The following RCAN2 variants were observed in gnomAD, a reference collection of about 807,000 sequenced individuals.
The protein encoded by RCAN2 is regulator of calcineurin 2, also known as calcipressin-2.
A neutral mutation model predicts 23.6 loss-of-function variants in RCAN2; 9 were observed. That is an observed-to-expected ratio of 0.38 (90% CI 0.23 to 0.67). RCAN2 has a LOEUF of 0.67. RCAN2 is among the 30% of genes least tolerant of loss of function. The pLI, the probability that RCAN2 is intolerant of heterozygous loss-of-function variation, is 0.51. For missense variants in RCAN2, 273 were observed against 302.3 expected (o/e 0.90, Z 0.72); for synonymous variants, 109 against 115.7 (o/e 0.94, Z 0.37).
At chr6:46,394,274 A>G (rs550416578) in intron 2 of RCAN2, among the ~76,000 whole-genome samples, 1 of 152,334 alleles carries the variant, frequency 6.6e-6, no homozygotes, top group East Asian at 1.9e-4. Flanking sequence ...CTGGACACGA[A>G]GGTGCTTGAA....
At position 46,427,888 on chromosome 6, in the gene RCAN2, G is replaced by A. The variant is rs1001630220; in HGVS notation, c.225+28864C>T. On this transcript the variant is annotated intron_variant, in intron 2 of 4. Transcript: ENST00000371374. Reference sequence around the variant, plus strand: ...AGAGCCTTGATTTACTAAGGACCACGTTTCAGCTACAGGATGAATCTGTTA... The same window carrying A: ...AGAGCCTTGATTTACTAAGGACCACATTTCAGCTACAGGATGAATCTGTTA... Among the ~76,000 whole-genome samples the A allele has an allele frequency of 5.9e-5, 9 of 152,264 alleles. 1 individual carries two copies. In the East Asian group the frequency reaches 1.2e-3, roughly 20 times the overall value.
In RCAN2 at chr6:46,365,463, C is replaced by T. The variant is rs575480821; in HGVS notation, c.225+91289G>A. ...TGCACACTAGCCTGGGCAACAAGAG[C>T]GAAACTCCATCTCAAAAAAGAAAAG... On this transcript the variant is annotated intron_variant, in intron 2 of 4. Transcript: ENST00000371374. 2.3e-4 allele frequency among the ~76,000 whole-genome samples: 33 copies of T among 144,430 alleles called. 1 individual carries two copies. The highest frequency in any genetic ancestry group is 3.5e-3 in the Middle Eastern group (1 of 288). 94.8% of individuals were successfully genotyped at this position (144,430 alleles called of 152,430 possible).
chr6:46,440,314 T>G (rs556236058), intron 2 of RCAN2, among the ~76,000 whole-genome samples: 2 of 152,308 alleles, frequency 1.3e-5, no homozygotes, highest in South Asian at 4.1e-4. Context: ...AAGATGTTGT[T>G]GTCAATTGTG....
intron 2 of RCAN2, among the ~76,000 whole-genome samples, chr6:46,406,189 T>C (rs1054580212): frequency 7.9e-5 from 12 of 152,116 alleles, no homozygotes; most frequent in African/African-American, 2.9e-4. Context: ...GCTCTGGCCT[T>C]GGCCAGCCCA....
chr6:46,443,693 C>T (rs762114219), intron 2 of RCAN2, among the ~76,000 whole-genome samples: 19 of 152,082 alleles, frequency 1.2e-4, no homozygotes, highest in Non-Finnish European at 2.2e-4. Context: ...TCTTTATGAA[C>T]GTCAAATCTT....
chr6:46,458,210 CAT>C (rs1262114739), intron 1 of RCAN2, among the ~76,000 whole-genome samples: 2 of 152,214 alleles, frequency 1.3e-5, no homozygotes, highest in Admixed American at 6.5e-5. Flanking sequence ...AATCTGCTCT[CAT>C]GAAGTTTAGC....
chr6:46,329,850 G>A (rs558034129), intron 2 of RCAN2, among the ~76,000 whole-genome samples: 1 of 152,292 alleles, frequency 6.6e-6, no homozygotes, highest in African/African-American at 2.4e-5. Flanking sequence ...CCTCCCTTCA[G>A]TTCAGGCAAT....
At chr6:46,465,431 G>A (rs1768348351) in intron 1 of RCAN2, among the ~76,000 whole-genome samples, 1 of 152,132 alleles carries the variant, frequency 6.6e-6, no homozygotes, top group African/African-American at 2.4e-5. Flanking sequence ...TTACAGCATG[G>A]GCAGGGTACA....
At chr6:46,324,782 G>A (rs1053896339) in intron 2 of RCAN2, among the ~76,000 whole-genome samples, 1 of 152,216 alleles carries the variant, frequency 6.6e-6, no homozygotes, top group Non-Finnish European at 1.5e-5. Flanking sequence ...CTTAAGATGC[G>A]AAATATTTAT....
chr6:46,259,261 A>G (rs960915231), intron 2 of RCAN2, among the ~76,000 whole-genome samples: 5 of 152,292 alleles, frequency 3.3e-5, no homozygotes, highest in Admixed American at 1.3e-4. Flanking sequence ...AAGAATGAGA[A>G]CAAAAATAAG....
At chr6:46,486,189 A>T (rs1293612413) in intron 1 of RCAN2, among the ~76,000 whole-genome samples, 2 of 152,208 alleles carry the variant, frequency 1.3e-5, no homozygotes, top group Admixed American at 1.3e-4. Context: ...AGAAAACTGC[A>T]ACTCAGAGAA....
At chr6:46,462,862 C>A (rs1768261932) in intron 1 of RCAN2, among the ~76,000 whole-genome samples, 4 of 152,196 alleles carry the variant, frequency 2.6e-5, no homozygotes, top group Admixed American at 2.6e-4. Flanking sequence ...AAAAAATTCA[C>A]TTTTCTAGGA....
chr6:46,429,614 T>C (rs1014197484), intron 2 of RCAN2, among the ~76,000 whole-genome samples: 1 of 152,222 alleles, frequency 6.6e-6, no homozygotes, highest in Non-Finnish European at 1.5e-5. Flanking sequence ...CTAAAAGGTA[T>C]TGTATTCATT....
intron 2 of RCAN2, among the ~76,000 whole-genome samples, chr6:46,322,027 G>A (rs1483287987): frequency 6.6e-6 from 1 of 152,162 alleles, no homozygotes; most frequent in Non-Finnish European, 1.5e-5. Flanking sequence ...AAGTTCTGGG[G>A]GTGGGGCCTG....
At chr6:46,255,340 C>T (rs550528494) in intron 2 of RCAN2, among the ~76,000 whole-genome samples, 41 of 151,866 alleles carry the variant, frequency 2.7e-4, no homozygotes, top group African/African-American at 8.0e-4. Context: ...ATGAGATGCC[C>T]GACTATGAGA....
chr6:46,418,048 G>C (rs2150410851), intron 2 of RCAN2, among the ~76,000 whole-genome samples: 1 of 152,142 alleles, frequency 6.6e-6, no homozygotes, highest in South Asian at 2.1e-4. Flanking sequence ...CCTTTGTTTT[G>C]TACATCATTT....
chr6:46,439,277 G>A (rs1767459840), intron 2 of RCAN2, among the ~76,000 whole-genome samples: 1 of 152,194 alleles, frequency 6.6e-6, no homozygotes, highest in Non-Finnish European at 1.5e-5. Flanking sequence ...GTACAGCTGA[G>A]TCTTTTTCAA....
At chr6:46,279,552 A>G (rs927146457) in intron 2 of RCAN2, among the ~76,000 whole-genome samples, 1 of 152,144 alleles carries the variant, frequency 6.6e-6, no homozygotes, top group Non-Finnish European at 1.5e-5. Context: ...GGAAGGGAGG[A>G]ATTGCTCCCT....
At chr6:46,450,014 G>A (rs1184295543) in intron 2 of RCAN2, among the ~76,000 whole-genome samples, 1 of 151,686 alleles carries the variant, frequency 6.6e-6, no homozygotes, top group Non-Finnish European at 1.5e-5. Context: ...AACAATCAAT[G>A]GAGAAAATAT....
Sources: allele counts gnomAD v4.1 joint callset (sites outside exome capture counted in the v4.1 genomes callset), GRCh38; gene constraint gnomAD v4.1.1; transcripts MANE v1.5; gene names NCBI Gene and HGNC (gene_info 2026-07-23, HGNC 2026-07-21).